Variants in CAP2 observed in about 807,000 individuals in gnomAD.
The protein encoded by CAP2 is cyclase associated actin cytoskeleton regulatory protein 2, also known as adenylyl cyclase-associated protein 2.
In CAP2, 24 loss-of-function variants were observed where a neutral mutation model predicts 57.7. The ratio of observed to expected loss-of-function variants is 0.42; its 90% CI spans 0.30 to 0.58. CAP2 has a LOEUF of 0.58. Ranked by LOEUF, CAP2 falls within the 20% of genes least tolerant of loss-of-function variation. The probability of loss-of-function intolerance (pLI) is 0.22; values close to 1 mark genes in which losing one functional copy is unlikely to be tolerated. For synonymous variants in CAP2, 194 were observed against 207.2 expected, an observed-to-expected ratio of 0.94 and a Z score of 0.55; for missense variants, 501 against 590.3, an observed-to-expected ratio of 0.85 and a Z score of 1.57.
intron 4 of CAP2, among the ~76,000 whole-genome samples, chr6:17,474,382 C>T (rs753488301): frequency 6.6e-6 from 1 of 151,594 alleles, no homozygotes; most frequent in Non-Finnish European, 1.5e-5. Flanking sequence ...CTAGTGTTTC[C>T]ATATCTGGAA....
In CAP2 at chr6:17,540,990, G is replaced by A. The variant is rs750007759; in HGVS notation, c.844G>A (p.Asp282Asn). 39 of 1,613,770 alleles carry A rather than the reference G, an allele frequency of 2.4e-5. No individual in the cohort carries two copies. The highest frequency in any genetic ancestry group is 3.2e-5 in the Non-Finnish European group (38 of 1,179,870). ...AITKGLRHVT[D>N]DQKTYKNPSL... ...CCTCCTAGGGCTCCGCCATGTCACA[G>A]ATGACCAGAAGACATACAAAAATCC... Residue 282 changes from aspartate (D) to asparagine (N), a missense_variant, in exon 9 of 13, where the codon GAT becomes AAT. Coordinates refer to ENST00000229922, the MANE Select transcript of CAP2 (RefSeq NM_006366.3).
intron 4 of CAP2, among the ~76,000 whole-genome samples, chr6:17,497,845 C>A (rs1371229469): frequency 6.6e-6 from 1 of 152,236 alleles, no homozygotes; most frequent in Non-Finnish European, 1.5e-5. Flanking sequence ...CTATAAATCT[C>A]AACCTGAGGG....
chr6:17,409,536 T>C (rs1018493224), intron 1 of CAP2, among the ~76,000 whole-genome samples: 1 of 152,152 alleles, frequency 6.6e-6, no homozygotes, highest in Non-Finnish European at 1.5e-5. Flanking sequence ...AATAATGACA[T>C]GTAGGCATCA....
chr6:17,458,965 A>G lies in CAP2; in HGVS notation c.223-4031A>G, dbSNP rs1314457760. Reference sequence around the variant, plus strand: ...AACAAAAAACCCATAACCTAAAGCAATACATTTTAGTAACTGGTGGCTGAG... The same window carrying G: ...AACAAAAAACCCATAACCTAAAGCAGTACATTTTAGTAACTGGTGGCTGAG... On this transcript the variant is annotated intron_variant, in intron 3 of 12. Transcript: ENST00000229922. Among the ~76,000 whole-genome samples, 8 of 152,086 alleles carry G rather than the reference A, an allele frequency of 5.3e-5. No individual in the cohort carries two copies. In the East Asian group the frequency reaches 1.5e-3, roughly 29 times the overall value.
At chr6:17,407,363 C>T (rs1484758149) in intron 1 of CAP2, among the ~76,000 whole-genome samples, 1 of 152,044 alleles carries the variant, frequency 6.6e-6, no homozygotes, top group African/African-American at 2.4e-5. Context: ...TCTGTAATCC[C>T]AGCACTTCGG....
chr6:17,529,817 G>A (rs1762598953), intron 7 of CAP2, among the ~76,000 whole-genome samples: 1 of 151,740 alleles, frequency 6.6e-6, no homozygotes, highest in Admixed American at 6.6e-5. Flanking sequence ...TCATGTTCAT[G>A]TTTTATGTTC....
chr6:17,461,992 C>CAAAAAAAAAAAAAAAA lies in CAP2; in HGVS notation c.223-988_223-973dup, dbSNP rs567675285. On this transcript the variant is annotated intron_variant, in intron 3 of 12. Transcript: ENST00000229922. ...TGGGCAACAGGGCGAGACTCCGTCT[C>CAAAAAAAAAAAAAAAA]AAAAAAAAAAAAAAAAAAAAAAAAA... Among the ~76,000 whole-genome samples the CAAAAAAAAAAAAAAAA allele has an allele frequency of 1.7e-3, 47 of 27,860 alleles. 2 individuals carry two copies. The highest frequency in any genetic ancestry group is 7.7e-3 in the East Asian group (7 of 908). The allele number at this position is 27,860 out of a possible 152,430, so 18.3% of individuals were successfully genotyped here. A position where few individuals can be genotyped will look rare whatever the true frequency, so the allele number is the denominator to read the frequency against.
intron 12 of CAP2, 127 bp from the exon 13 acceptor site, chr6:17,556,232 A>C: frequency 1.5e-6 from 1 of 662,492 alleles, no homozygotes; most frequent in Non-Finnish European, 2.7e-6. Flanking sequence ...GCAGCTTGCA[A>C]TTCGATCGAA....
rs562448416 is a variant in CAP2, at chr6:17,555,219, A to C, written c.1351-1140A>C. On this transcript the variant is annotated intron_variant, in intron 12 of 12. Coordinates refer to ENST00000229922, the MANE Select transcript of CAP2 (RefSeq NM_006366.3). ...TCTGCATTTTTTTTTTCTGAGACAG[A>C]GTTTTGCTCTTGTTGCCCAGGCTGG... is the stretch of plus-strand genomic sequence containing the variant. Among the ~76,000 whole-genome samples, 188 of 151,868 alleles carry C rather than the reference A, an allele frequency of 1.2e-3. 1 individual carries two copies. In the East Asian group the frequency reaches 0.033, roughly 26 times the overall value.
chr6:17,414,541 G>T (rs1388486286), intron 1 of CAP2, among the ~76,000 whole-genome samples: 1 of 152,162 alleles, frequency 6.6e-6, no homozygotes, highest in Non-Finnish European at 1.5e-5. Flanking sequence ...TGCTGAGGAT[G>T]ATGGCTTCTA....
chr6:17,546,765 T>C (rs1051203963), intron 11 of CAP2, among the ~76,000 whole-genome samples: 10 of 152,300 alleles, frequency 6.6e-5, no homozygotes, highest in African/African-American at 2.4e-4. Flanking sequence ...CTTCGAAAAC[T>C]GGCACAAGAC....
chr6:17,488,029 A>T (rs1218648096), intron 4 of CAP2, among the ~76,000 whole-genome samples: 1 of 152,006 alleles, frequency 6.6e-6, no homozygotes, highest in African/African-American at 2.4e-5. Flanking sequence ...GGCTCAAGTG[A>T]TCCTCCCGCC....
At chr6:17,459,934 C>A (rs1535015) in intron 3 of CAP2, among the ~76,000 whole-genome samples, 1 of 151,458 alleles carries the variant, frequency 6.6e-6, no homozygotes, top group African/African-American at 2.4e-5. Flanking sequence ...ACAAAAGGAA[C>A]AGAAGAGACA....
In CAP2 at chr6:17,463,996, T is replaced by C. The variant is rs987342109; in HGVS notation, c.300+923T>C. ...TGTGAGAACAGATGTTAAGAGCAAA[T>C]TAATGGTTGGCGGAGGTCCGTCTCA... is the stretch of plus-strand genomic sequence containing the variant. On this transcript the variant is annotated intron_variant, in intron 4 of 12. Coordinates refer to ENST00000229922, the MANE Select transcript of CAP2 (RefSeq NM_006366.3). 8.5e-5 allele frequency among the ~76,000 whole-genome samples: 13 copies of C among 152,202 alleles called. No homozygotes were observed. In the East Asian group the frequency reaches 2.3e-3, roughly 27 times the overall value.
At chr6:17,524,449 C>T (rs1762456933) in intron 7 of CAP2, among the ~76,000 whole-genome samples, 1 of 152,126 alleles carries the variant, frequency 6.6e-6, no homozygotes. Context: ...TGGCTTTGCC[C>T]AGGCGAGAAT....
chr6:17,438,439 T>TTTTG (rs1759966053), intron 3 of CAP2, among the ~76,000 whole-genome samples: 1 of 124,384 alleles, frequency 8.0e-6, no homozygotes, highest in African/African-American at 3.7e-5. Flanking sequence ...AAGTGTTTTT[T>TTTTG]TTTTTTTTTT....
intron 1 of CAP2, among the ~76,000 whole-genome samples, chr6:17,410,724 AC>A (rs1759121435): frequency 6.6e-6 from 1 of 151,936 alleles, no homozygotes; most frequent in African/African-American, 2.4e-5. Flanking sequence ...CGCCTGGTCA[AC>A]TTTTTTGTAT....
At chr6:17,485,705 C>T (rs1761402715) in intron 4 of CAP2, among the ~76,000 whole-genome samples, 1 of 152,202 alleles carries the variant, frequency 6.6e-6, no homozygotes, top group Non-Finnish European at 1.5e-5. Flanking sequence ...ATCTAAATGC[C>T]AGCCAGGTCT....
intron 7 of CAP2, among the ~76,000 whole-genome samples, chr6:17,529,692 A>G (rs1762596521): frequency 6.6e-6 from 1 of 150,624 alleles, no homozygotes; most frequent in African/African-American, 2.4e-5. Flanking sequence ...ACCCTACAGT[A>G]TGAATTTGTG....
Sources: allele counts gnomAD v4.1 joint callset (sites outside exome capture counted in the v4.1 genomes callset), GRCh38; gene constraint gnomAD v4.1.1; transcripts MANE v1.5; gene names NCBI Gene and HGNC (gene_info 2026-07-23, HGNC 2026-07-21).